Variants in GPBP1 observed in about 807,000 individuals in gnomAD.
The protein encoded by GPBP1 is GC-rich promoter binding protein 1.
GPBP1 carries 13 observed loss-of-function variants against 56.5 expected under a neutral mutation model. The observed-to-expected ratio is 0.23, with a 90% CI of 0.15 to 0.37. The LOEUF (loss-of-function observed/expected upper bound fraction) is 0.37, where lower values mean the gene tolerates loss of function less well. GPBP1 is among the 10% of genes least tolerant of loss of function. The pLI is 1.00. For missense variants in GPBP1, 477 were observed against 572.3 expected (o/e 0.83, Z 1.70); for synonymous variants, 204 against 188.9 (o/e 1.08, Z -0.66).
At chr5:57,199,627 G>A (rs576930589) in intron 2 of GPBP1, among the ~76,000 whole-genome samples, 2 of 152,090 alleles carry the variant, frequency 1.3e-5, no homozygotes, top group South Asian at 4.1e-4. Context: ...CATGTGCCAC[G>A]TTGGTGTGCT....
intron 2 of GPBP1, among the ~76,000 whole-genome samples, chr5:57,178,497 C>T (rs1753897359): frequency 6.6e-6 from 1 of 152,054 alleles, no homozygotes; most frequent in African/African-American, 2.4e-5. Flanking sequence ...TCACCTGCCT[C>T]CACTTCCCAA....
At chr5:57,245,432 T>C (rs550225858) in intron 6 of GPBP1, 1 of 152,320 alleles carries the variant, frequency 6.6e-6, no homozygotes, top group South Asian at 2.1e-4. Context: ...GATTTAGTTT[T>C]TGAGGAGGGA....
chr5:57,198,640 A>G (rs831650), intron 2 of GPBP1, among the ~76,000 whole-genome samples: 70,078 of 151,786 alleles, frequency 0.46, 16,470 homozygotes, highest in Middle Eastern at 0.51. Context: ...CTTGAGGTCA[A>G]GAGTTCGAGA....
chr5:57,197,002 G>A (rs921432795), intron 2 of GPBP1, among the ~76,000 whole-genome samples: 10 of 152,064 alleles, frequency 6.6e-5, no homozygotes, highest in South Asian at 4.1e-4. Flanking sequence ...GGCTGGTCTT[G>A]AACTCCTGGC....
chr5:57,211,176 C>CT (rs1755460074), intron 2 of GPBP1, among the ~76,000 whole-genome samples: 1 of 144,608 alleles, frequency 6.9e-6, no homozygotes, highest in African/African-American at 2.6e-5. Flanking sequence ...TTTTTTAAAT[C>CT]TTTTTTCAGA....
At chr5:57,237,189 T>C (rs1249532928) in intron 6 of GPBP1, 1 of 1,516,548 alleles carries the variant, frequency 6.6e-7, no homozygotes, top group Non-Finnish European at 9.0e-7. Context: ...TTCCTTATTA[T>C]TCAGTTTTTC....
rs777195188 is a variant in GPBP1 at position 57,250,959 on chromosome 5, C to T, written c.978C>T (p.Asp326=). ...DESRAGSEKD[D]DSFNLHNSNS... ...TTTAACTCTCTAAAAATCAGGATGACGACTCATTTAATTTACATAACAGCA... is the reference window on the plus strand; with the variant it reads ...TTTAACTCTCTAAAAATCAGGATGATGACTCATTTAATTTACATAACAGCA... The change falls in exon 10 of 12, where the codon GAC becomes GAT. Residue 326 remains aspartate, a synonymous_variant. Coordinates refer to ENST00000506184, the MANE Select transcript of GPBP1 (RefSeq NM_022913.4). The T allele has an allele frequency of 3.1e-5, 48 of 1,544,472 alleles. No individual in the cohort carries two copies. Among genetic ancestry groups the T allele is most frequent in the Admixed American group, 5.9e-5 (3 of 50,888 alleles).
chr5:57,212,710 C>T (rs2111757823), intron 2 of GPBP1, among the ~76,000 whole-genome samples: 1 of 144,996 alleles, frequency 6.9e-6, no homozygotes. Context: ...GCTCTTGTTG[C>T]ACAGGCTGGA....
At chr5:57,192,719 C>T (rs1754578512) in intron 2 of GPBP1, among the ~76,000 whole-genome samples, 2 of 144,362 alleles carry the variant, frequency 1.4e-5, no homozygotes. Flanking sequence ...CGCCATTGCA[C>T]TCCGGTCTGG....
rs947935663 is a variant in GPBP1, at chr5:57,251,204, G to A, written c.1160+63G>A. 2.8e-5 allele frequency: 38 copies of A among 1,350,282 alleles called. No individual in the cohort carries two copies. The African/African-American group carries it at 5.5e-4, about 19-fold the overall frequency. The allele number at this position is 1,350,282 out of a possible 1,614,324, so 83.6% of individuals were successfully genotyped here. A position where few individuals can be genotyped will look rare whatever the true frequency, so the allele number is the denominator to read the frequency against. ...GTATTCGAGATTTCAATATTATAGA[G>A]TTTTTACGTGATTTAACAGGTTTAT... On this transcript the variant is annotated intron_variant, in intron 10 of 11. Transcript: ENST00000506184.
intron 3 of GPBP1, among the ~76,000 whole-genome samples, chr5:57,219,793 C>T (rs1348251781): frequency 6.6e-6 from 1 of 152,130 alleles, no homozygotes; most frequent in African/African-American, 2.4e-5. Context: ...TGGCTCATGC[C>T]TGTAATCCCA....
At chr5:57,251,650 A>G (rs1456627416) in intron 10 of GPBP1, among the ~76,000 whole-genome samples, 4 of 150,192 alleles carry the variant, frequency 2.7e-5, no homozygotes, top group African/African-American at 7.4e-5. Flanking sequence ...TGCTGTGAAC[A>G]TTCATATATA....
intron 2 of GPBP1, among the ~76,000 whole-genome samples, chr5:57,179,129 C>T (rs1051908691): frequency 6.6e-6 from 1 of 152,226 alleles, no homozygotes; most frequent in Non-Finnish European, 1.5e-5. Flanking sequence ...AGAGCACATA[C>T]TCAGCACTAT....
intron 3 of GPBP1, 26 bp downstream of exon 3, chr5:57,214,219 G>T (rs768778655): frequency 6.5e-7 from 1 of 1,535,544 alleles, no homozygotes; most frequent in East Asian, 2.2e-5. Flanking sequence ...CTTTCTTTCT[G>T]TCTGCTTCTC....
intron 6 of GPBP1, among the ~76,000 whole-genome samples, chr5:57,240,359 A>T (rs80000386): frequency 0.093 from 14,193 of 152,238 alleles, 745 homozygotes; most frequent in South Asian, 0.13. Context: ...ATAATAGGAA[A>T]CTAAATTAGT....
At chr5:57,189,218 AG>A (rs1754417997) in intron 2 of GPBP1, among the ~76,000 whole-genome samples, 2 of 152,152 alleles carry the variant, frequency 1.3e-5, no homozygotes, top group South Asian at 4.1e-4. Context: ...TTTCCAGTTC[AG>A]GTCATTCTCA....
chr5:57,192,684 C>T (rs929506164), intron 2 of GPBP1, among the ~76,000 whole-genome samples: 4 of 137,244 alleles, frequency 2.9e-5, no homozygotes, highest in South Asian at 2.3e-4. Flanking sequence ...ACCTGGGAGG[C>T]GGAGGTTGCG....
intron 6 of GPBP1, among the ~76,000 whole-genome samples, chr5:57,243,212 G>T (rs1740916705): frequency 6.6e-6 from 1 of 151,550 alleles, no homozygotes; most frequent in African/African-American, 2.4e-5. Flanking sequence ...GATTACAGGC[G>T]CCTGCCACCA....
chr5:57,255,027 T>A (rs546362686), intron 10 of GPBP1, among the ~76,000 whole-genome samples: 7 of 152,356 alleles, frequency 4.6e-5, no homozygotes, highest in South Asian at 2.1e-4. Context: ...AATTCTTTTT[T>A]AAAAAGATTA....
Sources: gnomAD v4.1 joint callset for allele counts (sites outside exome capture counted in the v4.1 genomes callset) on GRCh38, gnomAD v4.1.1 for gene constraint, MANE v1.5 for transcripts, NCBI Gene and HGNC (gene_info 2026-07-23, HGNC 2026-07-21) for gene names.